TRAP1: variants seen among roughly 807,000 people sequenced by gnomAD.
TRAP1 encodes TNF receptor associated protein 1.
In TRAP1, 102 loss-of-function variants were observed where a neutral mutation model predicts 89.1. The observed-to-expected ratio is 1.15, with a 90% confidence interval of 0.98 to 1.35. The LOEUF is 1.35. TRAP1 is among the 40% of genes most tolerant of loss of function. The pLI, the probability that TRAP1 is intolerant of heterozygous loss-of-function variation, is 0.00. For synonymous variants in TRAP1, 508 were observed against 388.0 expected (o/e 1.31, Z -3.64); for missense variants, 1,256 against 945.3 (o/e 1.33, Z -4.31).
chr16:3,707,228 C>T (rs1024514901), intron 1 of TRAP1, among the ~76,000 whole-genome samples: 6 of 149,136 alleles, frequency 4.0e-5, no homozygotes, highest in Non-Finnish European at 8.9e-5. Flanking sequence ...CTCTGTCGCC[C>T]AGGCTGGAGT....
chr16:3,691,367 C>G (rs1418111634), intron 1 of TRAP1, among the ~76,000 whole-genome samples: 1 of 152,210 alleles, frequency 6.6e-6, no homozygotes, highest in Non-Finnish European at 1.5e-5. Flanking sequence ...CAGGCACAGA[C>G]CACCATGCCC....
At chr16:3,699,256 C>T (rs1267629867) in intron 1 of TRAP1, among the ~76,000 whole-genome samples, 1 of 152,218 alleles carries the variant, frequency 6.6e-6, no homozygotes, top group African/African-American at 2.4e-5. Context: ...GCCCTCTCTC[C>T]CATTCAGGCC....
At chr16:3,669,301 G>T (rs2050878550) in intron 11 of TRAP1, among the ~76,000 whole-genome samples, 1 of 152,158 alleles carries the variant, frequency 6.6e-6, no homozygotes, top group African/African-American at 2.4e-5. Context: ...TGTGGGGCGG[G>T]GATGCATCCT....
intron 1 of TRAP1, among the ~76,000 whole-genome samples, chr16:3,700,841 A>G (rs1822653290): frequency 1.3e-5 from 2 of 152,222 alleles, no homozygotes; most frequent in Admixed American, 1.3e-4. Context: ...AAAGCATTAG[A>G]TAAACCACAA....
chr16:3,666,327 C>A lies in TRAP1; in HGVS notation c.1236-209G>T, dbSNP rs370756296. 9.2e-5 allele frequency among the ~76,000 whole-genome samples: 14 copies of A among 151,792 alleles called. No individual in the cohort carries two copies. The East Asian group carries it at 1.7e-3, about 19-fold the overall frequency. ...GAGGCAGCAGGGTGGAGGGCAGACA[C>A]CCCCTGGAGGCAGTAGGAGAACCGA... On this transcript the variant is annotated intron_variant, in intron 11 of 17. Coordinates refer to ENST00000246957, the MANE Select transcript of TRAP1 (RefSeq NM_016292.3).
intron 1 of TRAP1, among the ~76,000 whole-genome samples, chr16:3,710,873 AT>A (rs1416172427): frequency 9.4e-6 from 1 of 106,064 alleles, no homozygotes; most frequent in Non-Finnish European, 1.8e-5. Context: ...ATATATATAT[AT>A]ATATATTTTT....
intron 3 of TRAP1, among the ~76,000 whole-genome samples, chr16:3,688,216 G>C (rs1304070606): frequency 1.3e-5 from 2 of 152,000 alleles, no homozygotes; most frequent in East Asian, 3.9e-4. Context: ...GCCTAGGCTG[G>C]TCTCAGACTC....
Position 3,675,199 on chromosome 16 carries a change from C to T in TRAP1, c.888+125G>A, listed in dbSNP as rs371770928. 284 of 865,512 alleles carry T rather than the reference C, an allele frequency of 3.3e-4. 2 individuals carry two copies. In the East Asian group the frequency reaches 6.3e-3, roughly 19 times the overall value. 53.6% of individuals were successfully genotyped at this position (865,512 alleles called of 1,614,324 possible). On this transcript the variant is annotated intron_variant, in intron 8 of 17. Coordinates refer to ENST00000246957, the MANE Select transcript of TRAP1 (RefSeq NM_016292.3). The stretch of plus-strand genomic sequence containing the variant: ...TCTCATCCCCACACCCAGGTCTCAT[C>T]TCCACAGAGCAGCTCGCCCTGTGAC...
rs779336548 is a variant in TRAP1, at chr16:3,690,905, G to A, written c.169C>T (p.Arg57Ter). The A allele has an allele frequency of 2.1e-5, 34 of 1,592,788 alleles. No homozygotes were observed. Among genetic ancestry groups the A allele is most frequent in the Non-Finnish European group, 2.8e-5 (33 of 1,169,890 alleles). Residue 57 changes from arginine to a stop codon, truncating the protein, a stop_gained, in exon 2 of 18, where the codon CGA (arginine) becomes TGA (stop). Transcript: ENST00000246957. LOFTEE classifies it high-confidence loss of function. ...TCGGCGGTCTGCGTGCTGAACAGTC[G>A]TCCTGCCTGCAAGCTCCAGGCTGGG... The part of the protein sequence containing the change: ...RNPAWSLQAG[R>*]LFSTQTAEDK...
intron 1 of TRAP1, among the ~76,000 whole-genome samples, chr16:3,712,616 G>C (rs1011807137): frequency 1.3e-5 from 2 of 152,154 alleles, no homozygotes; most frequent in African/African-American, 4.8e-5. Context: ...GGATTGATGT[G>C]TTTGTTTCCA....
At chr16:3,709,166 A>G (rs1325206272) in intron 1 of TRAP1, among the ~76,000 whole-genome samples, 1 of 146,912 alleles carries the variant, frequency 6.8e-6, no homozygotes, top group Admixed American at 6.9e-5. Context: ...CGCAGAGGTT[A>G]CGGTGAGCCA....
chr16:3,701,920 A>C (rs975660947), intron 1 of TRAP1, among the ~76,000 whole-genome samples: 3 of 152,138 alleles, frequency 2.0e-5, no homozygotes, highest in African/African-American at 7.2e-5. Flanking sequence ...ATTATTAAAA[A>C]TATGAGGCTG....
rs574828888 is a variant in TRAP1 at position 3,685,730 on chromosome 16, A to C, written c.471+266T>G. Among the ~76,000 whole-genome samples, 7 of 152,298 alleles carry C rather than the reference A, an allele frequency of 4.6e-5. No individual in the cohort carries two copies. The South Asian group carries it at 1.4e-3, about 32-fold the overall frequency. On this transcript the variant is annotated intron_variant, in intron 4 of 17. Transcript: ENST00000246957. ...ATATGTTAATACCTGCATATACCAA[A>C]ACCCTGTGTGGCCATATGCTAAGAT...
chr16:3,674,246 A>G (rs1467462526), intron 9 of TRAP1, 93 bp downstream of exon 9: 7 of 1,512,566 alleles, frequency 4.6e-6, no homozygotes, highest in Non-Finnish European at 6.3e-6. Context: ...ATGCCCTCAC[A>G]CTGCCATGTT....
At chr16:3,675,204 C>T (rs1172833954) in intron 8 of TRAP1, 120 bp downstream of exon 8, 29 of 928,524 alleles carry the variant, frequency 3.1e-5, no homozygotes, top group Non-Finnish European at 4.6e-5. Flanking sequence ...CTCATCTCCA[C>T]AGAGCAGCTC....
rs146800999 is a variant in TRAP1, at chr16:3,713,596, C to T, written c.88+3825G>A. Reference sequence around the variant, plus strand: ...CCTCAGTCATGTTCTGGCAATTTCACGAAAACAAGAGCATCTGGCATGACC... The same window carrying T: ...CCTCAGTCATGTTCTGGCAATTTCATGAAAACAAGAGCATCTGGCATGACC... On this transcript the variant is annotated intron_variant, in intron 1 of 17. Transcript: ENST00000246957. Among the ~76,000 whole-genome samples the T allele has an allele frequency of 3.2e-4, 49 of 152,330 alleles. No homozygotes were observed. The East Asian group carries it at 8.9e-3, about 28-fold the overall frequency.
chr16:3,666,712 T>G (rs770736397), intron 11 of TRAP1, among the ~76,000 whole-genome samples: 1 of 152,138 alleles, frequency 6.6e-6, no homozygotes, highest in East Asian at 1.9e-4. Flanking sequence ...ACATAACAAT[T>G]TTCCATCATT....
intron 1 of TRAP1, among the ~76,000 whole-genome samples, chr16:3,699,333 C>T (rs8050376): frequency 0.22 from 33,647 of 152,058 alleles, 3,765 homozygotes; most frequent in South Asian, 0.29. Flanking sequence ...TTTTATGCTG[C>T]CCATTTAAAA....
At chr16:3,706,295 G>A (rs1450727642) in intron 1 of TRAP1, among the ~76,000 whole-genome samples, 2 of 151,796 alleles carry the variant, frequency 1.3e-5, no homozygotes, top group South Asian at 2.1e-4. Flanking sequence ...TTGGGGTGGG[G>A]TGGGGGTCTC....
Sources: allele counts gnomAD v4.1 joint callset (sites outside exome capture counted in the v4.1 genomes callset), GRCh38; gene constraint gnomAD v4.1.1; transcripts MANE v1.5; gene names NCBI Gene and HGNC (gene_info 2026-07-23, HGNC 2026-07-21).